Variants in KCNMB4 observed in about 807,000 individuals in gnomAD.
KCNMB4 encodes the protein potassium calcium-activated channel subfamily M regulatory beta subunit 4.
A neutral mutation model predicts 20.7 loss-of-function variants in KCNMB4; 3 were observed. That is an observed-to-expected ratio of 0.14 (90% CI 0.07 to 0.37). The LOEUF (loss-of-function observed/expected upper bound fraction) is 0.37. Ranked by LOEUF, KCNMB4 falls within the 10% of genes least tolerant of loss-of-function variation. The pLI is 1.00. For missense variants in KCNMB4, 168 were observed against 265.9 expected (o/e 0.63, Z 2.56); for synonymous variants, 110 against 113.4 (o/e 0.97, Z 0.19).
chr12:70,400,318 A>G lies in KCNMB4; in HGVS notation c.446A>G (p.Tyr149Cys). The G allele has an allele frequency of 6.2e-7, 1 of 1,604,700 alleles. No homozygotes were observed. Among genetic ancestry groups the G allele is most frequent in the South Asian group, 1.1e-5 (1 of 88,410 alleles). ...DEIGSQPFTC[Y>C]FNQHQRPDDV... is the part of the protein sequence containing the mutation. ...ATTGGTTCCCAGCCATTTACTTGCT[A>G]TTTTAATCAACATCAAAGGTAAGTC... Residue 149 changes from tyrosine (Y) to cysteine (C), a missense_variant, in exon 2 of 3, where the codon TAT (tyrosine) becomes TGT (cysteine). Transcript: ENST00000258111.
chr12:70,368,433 A>T (rs1883533695), intron 1 of KCNMB4, among the ~76,000 whole-genome samples: 1 of 152,130 alleles, frequency 6.6e-6, no homozygotes, highest in African/African-American at 2.4e-5. Flanking sequence ...AAAAAATATC[A>T]ATAATACATA....
At chr12:70,404,589 G>A (rs17108110) in intron 2 of KCNMB4, among the ~76,000 whole-genome samples, 4,458 of 152,270 alleles carry the variant, frequency 0.029, 129 homozygotes, top group East Asian at 0.097. Flanking sequence ...GCTGGTCCTC[G>A]TAAGAGACTT....
At chr12:70,412,913 A>G (rs1396534855) in intron 2 of KCNMB4, among the ~76,000 whole-genome samples, 1 of 152,234 alleles carries the variant, frequency 6.6e-6, no homozygotes, top group Non-Finnish European at 1.5e-5. Flanking sequence ...TATTTTTTAC[A>G]GGAACATATT....
At chr12:70,419,203 A>G (rs952002077) in intron 2 of KCNMB4, among the ~76,000 whole-genome samples, 1 of 152,220 alleles carries the variant, frequency 6.6e-6, no homozygotes, top group African/African-American at 2.4e-5. Flanking sequence ...AACATCCTAA[A>G]TCAACATTTC....
At chr12:70,381,894 A>T (rs1267827307) in intron 1 of KCNMB4, among the ~76,000 whole-genome samples, 1 of 152,218 alleles carries the variant, frequency 6.6e-6, no homozygotes, top group Non-Finnish European at 1.5e-5. Flanking sequence ...TATTTCAATA[A>T]ATCTCTTGCC....
intron 1 of KCNMB4, among the ~76,000 whole-genome samples, chr12:70,393,834 T>C (rs534146899): frequency 9.1e-4 from 90 of 98,418 alleles, no homozygotes; most frequent in African/African-American, 5.2e-3. Flanking sequence ...ATGCCCCTTG[T>C]CCTCCAAGGC....
At chr12:70,400,658 A>T (rs1158397876) in intron 2 of KCNMB4, among the ~76,000 whole-genome samples, 1 of 152,172 alleles carries the variant, frequency 6.6e-6, no homozygotes, top group African/African-American at 2.4e-5. Context: ...ATCGAATCTT[A>T]CCTTTCCTTT....
intron 1 of KCNMB4, among the ~76,000 whole-genome samples, chr12:70,380,990 A>T (rs1209522992): frequency 1.3e-5 from 2 of 152,238 alleles, no homozygotes; most frequent in African/African-American, 4.8e-5. Flanking sequence ...AAATATTTGC[A>T]AATAATGTAT....
chr12:70,423,907 G>T (rs945024821), intron 2 of KCNMB4, among the ~76,000 whole-genome samples: 2 of 152,200 alleles, frequency 1.3e-5, no homozygotes, highest in Non-Finnish European at 2.9e-5. Flanking sequence ...AGGTTTAGTG[G>T]CTGGGGCCTG....
chr12:70,433,067 A>G lies in KCNMB4; in HGVS notation c.*2414A>G, dbSNP rs1869411313. The G allele has an allele frequency of 6.6e-6, 1 of 152,134 alleles. No individual in the cohort carries two copies. Among genetic ancestry groups the G allele is most frequent in the African/African-American group, 2.4e-5 (1 of 41,414 alleles). 9.4% of individuals were successfully genotyped at this position (152,134 alleles called of 1,614,324 possible). A position where few individuals can be genotyped will look rare whatever the true frequency, so the allele number is the denominator to read the frequency against. ...AAGCACACTGAATTCATAAGGTCAC[A>G]TGTAGTCTTAAGGTCTTACTTGCTT... On this transcript the variant is annotated 3_prime_UTR_variant, in exon 3 of 3. Transcript: ENST00000258111.
At chr12:70,378,286 C>G (rs1186097845) in intron 1 of KCNMB4, among the ~76,000 whole-genome samples, 2 of 152,088 alleles carry the variant, frequency 1.3e-5, no homozygotes, top group Admixed American at 6.5e-5. Context: ...CTAGTTCTTT[C>G]CTATTTCTAC....
chr12:70,387,233 G>A (rs1213136771), intron 1 of KCNMB4, among the ~76,000 whole-genome samples: 1 of 151,236 alleles, frequency 6.6e-6, no homozygotes, highest in Non-Finnish European at 1.5e-5. Context: ...CCTATTTTTT[G>A]CAGATACTTG....
At chr12:70,403,070 G>C (rs1306015744) in intron 2 of KCNMB4, among the ~76,000 whole-genome samples, 1 of 152,208 alleles carries the variant, frequency 6.6e-6, no homozygotes, top group Non-Finnish European at 1.5e-5. Flanking sequence ...ACTTGGAGAC[G>C]GGGTATACCC....
At chr12:70,367,725 G>GT (rs1428846513) in intron 1 of KCNMB4, among the ~76,000 whole-genome samples, 1 of 152,038 alleles carries the variant, frequency 6.6e-6, no homozygotes, top group Non-Finnish European at 1.5e-5. Context: ...AGGGAGCCTA[G>GT]TTACCCTTTG....
At chr12:70,415,124 T>C (rs1045685006) in intron 2 of KCNMB4, among the ~76,000 whole-genome samples, 1 of 152,220 alleles carries the variant, frequency 6.6e-6, no homozygotes, top group Non-Finnish European at 1.5e-5. Flanking sequence ...TATTAACTCA[T>C]TGAATCTGCA....
At chr12:70,423,448 A>C (rs1869122856) in intron 2 of KCNMB4, among the ~76,000 whole-genome samples, 1 of 152,058 alleles carries the variant, frequency 6.6e-6, no homozygotes, top group Non-Finnish European at 1.5e-5. Flanking sequence ...TCTTGTTATA[A>C]TACCTCCCTA....
chr12:70,409,266 G>C (rs1470173453), intron 2 of KCNMB4, among the ~76,000 whole-genome samples: 2 of 152,142 alleles, frequency 1.3e-5, no homozygotes, highest in African/African-American at 4.8e-5. Flanking sequence ...CTCCACCACT[G>C]CCTGGATTCA....
intron 1 of KCNMB4, among the ~76,000 whole-genome samples, chr12:70,377,948 ACTT>A (rs537566814): frequency 7.4e-6 from 1 of 135,386 alleles, no homozygotes; most frequent in Non-Finnish European, 1.6e-5. Flanking sequence ...TTCAAGCTCT[ACTT>A]CTTTTTTTTT....
At chr12:70,429,881 T>C (rs1869313104) in intron 2 of KCNMB4, among the ~76,000 whole-genome samples, 1 of 152,130 alleles carries the variant, frequency 6.6e-6, no homozygotes, top group Non-Finnish European at 1.5e-5. Flanking sequence ...TGTTTTAAAA[T>C]GACGGCTAAT....
Sources: gnomAD v4.1 joint callset for allele counts (sites outside exome capture counted in the v4.1 genomes callset) on GRCh38, gnomAD v4.1.1 for gene constraint, MANE v1.5 for transcripts, NCBI Gene and HGNC (gene_info 2026-07-23, HGNC 2026-07-21) for gene names.